CSMD1: variants seen among roughly 807,000 people sequenced by gnomAD.
CSMD1 encodes the protein CUB and sushi domain-containing protein 1.
CSMD1 carries 213 observed loss-of-function variants against 417.5 expected under a neutral mutation model. That is an observed-to-expected ratio of 0.51 (90% confidence interval 0.46 to 0.57). The LOEUF (loss-of-function observed/expected upper bound fraction) is 0.57. Ranked by LOEUF, CSMD1 falls within the 20% of genes least tolerant of loss-of-function variation. The pLI is 0.00. For synonymous variants in CSMD1, 2,862 were observed against 1,736.8 expected, an observed-to-expected ratio of 1.65 and a Z score of -16.11; for missense variants, 6,923 against 4,529.7, an observed-to-expected ratio of 1.53 and a Z score of -15.17.
At chr8:4,894,267 CTT>C (rs1804327684) in intron 1 of CSMD1, among the ~76,000 whole-genome samples, 1 of 151,878 alleles carries the variant, frequency 6.6e-6, no homozygotes, top group Non-Finnish European at 1.5e-5. Context: ...CCTATCAAGT[CTT>C]TTGTTTTGCT....
chr8:3,880,882 C>T (rs1378751793), intron 5 of CSMD1, among the ~76,000 whole-genome samples: 1 of 152,080 alleles, frequency 6.6e-6, no homozygotes, highest in Non-Finnish European at 1.5e-5. Flanking sequence ...TCTAGTCCTC[C>T]TTCGTGTACC....
At chr8:4,315,223 G>T (rs1484666210) in intron 3 of CSMD1, among the ~76,000 whole-genome samples, 1 of 152,164 alleles carries the variant, frequency 6.6e-6, no homozygotes, top group Non-Finnish European at 1.5e-5. Context: ...TCTGCTCAAA[G>T]GAAAGCCCAG....
At chr8:3,719,773 C>T (rs148217833) in intron 6 of CSMD1, among the ~76,000 whole-genome samples, 311 of 152,266 alleles carry the variant, frequency 2.0e-3, no homozygotes, top group African/African-American at 7.2e-3. Flanking sequence ...GTGTGGAAGG[C>T]ATTTCCAGTT....
At chr8:3,674,464 A>C (rs1488053382) in intron 7 of CSMD1, among the ~76,000 whole-genome samples, 1 of 152,164 alleles carries the variant, frequency 6.6e-6, no homozygotes, top group African/African-American at 2.4e-5. Context: ...TTATTATTAT[A>C]AACAAAAAAT....
intron 2 of CSMD1, among the ~76,000 whole-genome samples, chr8:4,537,201 G>C (rs1040947948): frequency 6.6e-6 from 1 of 152,048 alleles, no homozygotes; most frequent in Non-Finnish European, 1.5e-5. Flanking sequence ...CAGCATTAAA[G>C]GGAAATATAA....
At chr8:3,422,863 G>C (rs997345734) in intron 12 of CSMD1, among the ~76,000 whole-genome samples, 2 of 152,168 alleles carry the variant, frequency 1.3e-5, no homozygotes, top group Admixed American at 1.3e-4. Context: ...TTCGAAAACA[G>C]TGCCATGAAT....
chr8:3,546,403 G>T (rs535314201), intron 10 of CSMD1, among the ~76,000 whole-genome samples: 53 of 152,054 alleles, frequency 3.5e-4, no homozygotes, highest in African/African-American at 1.2e-3. Context: ...GGGTTTGGTG[G>T]CATATTCCTG....
In CSMD1 at chr8:4,434,171, C is replaced by G. The variant is rs189974878; in HGVS notation, c.303-14106G>C. ...TGGCCAACATGGTGAAAACCAGTCT[C>G]TACTAAAAATACAGAAATTATCCAG... On this transcript the variant is annotated intron_variant, in intron 2 of 69. Transcript: ENST00000635120. Among the ~76,000 whole-genome samples, 6 of 152,224 alleles carry G rather than the reference C, an allele frequency of 3.9e-5. No individual in the cohort carries two copies. In the East Asian group the frequency reaches 5.8e-4, roughly 15 times the overall value.
intron 1 of CSMD1, among the ~76,000 whole-genome samples, chr8:4,973,873 C>A (rs1196952328): frequency 6.6e-6 from 1 of 152,174 alleles, no homozygotes; most frequent in Non-Finnish European, 1.5e-5. Flanking sequence ...ACAAATCCAA[C>A]ACAATCACAC....
At chr8:3,017,486 T>C (rs1382458412) in intron 52 of CSMD1, among the ~76,000 whole-genome samples, 1 of 152,156 alleles carries the variant, frequency 6.6e-6, no homozygotes, top group Non-Finnish European at 1.5e-5. Flanking sequence ...TAATATATAA[T>C]GCACTAAATA....
intron 40 of CSMD1, among the ~76,000 whole-genome samples, chr8:3,145,561 T>C (rs1818791842): frequency 1.3e-5 from 2 of 152,074 alleles, no homozygotes; most frequent in African/African-American, 4.8e-5. Flanking sequence ...GTGAGCAAAA[T>C]TACCATTTTA....
chr8:3,012,538 A>C (rs2128963911), intron 52 of CSMD1, among the ~76,000 whole-genome samples: 1 of 152,306 alleles, frequency 6.6e-6, no homozygotes, highest in South Asian at 2.1e-4. Flanking sequence ...CCCCAAAAAT[A>C]AACTACAAAA....
chr8:4,915,056 T>C (rs1183741390), intron 1 of CSMD1, among the ~76,000 whole-genome samples: 1 of 152,146 alleles, frequency 6.6e-6, no homozygotes, highest in Non-Finnish European at 1.5e-5. Context: ...GGAATAGAAA[T>C]TGAATTAAAT....
intron 2 of CSMD1, among the ~76,000 whole-genome samples, chr8:4,485,282 G>T (rs549039539): frequency 6.6e-6 from 1 of 152,176 alleles, no homozygotes; most frequent in African/African-American, 2.4e-5. Context: ...ACGCCTGTCA[G>T]CTGAGAACAT....
At chr8:4,200,556 C>T (rs1190653060) in intron 3 of CSMD1, among the ~76,000 whole-genome samples, 1 of 151,394 alleles carries the variant, frequency 6.6e-6, no homozygotes, top group African/African-American at 2.5e-5. Flanking sequence ...CTGTGCTATC[C>T]TTATATAATT....
At chr8:4,955,194 C>T (rs747403909) in intron 1 of CSMD1, among the ~76,000 whole-genome samples, 4 of 152,116 alleles carry the variant, frequency 2.6e-5, no homozygotes, top group Non-Finnish European at 4.4e-5. Flanking sequence ...TTCCCGTTGG[C>T]TTCTACCCAT....
At chr8:4,342,325 T>A (rs966663058) in intron 3 of CSMD1, among the ~76,000 whole-genome samples, 1 of 152,008 alleles carries the variant, frequency 6.6e-6, no homozygotes, top group South Asian at 2.1e-4. Context: ...ATGTAAAACA[T>A]AGGTATTACA....
At chr8:3,902,917 T>A (rs368754799) in intron 5 of CSMD1, among the ~76,000 whole-genome samples, 154 of 152,172 alleles carry the variant, frequency 1.0e-3, no homozygotes, top group African/African-American at 3.5e-3. Context: ...TAACCACTTA[T>A]CTCTTTCTCC....
At chr8:2,996,979 G>C (rs756153241) in intron 54 of CSMD1, among the ~76,000 whole-genome samples, 73 of 152,222 alleles carry the variant, frequency 4.8e-4, no homozygotes, top group Non-Finnish European at 8.4e-4. Flanking sequence ...ACCTGGGGCT[G>C]ACCAATGTCC....
Sources: gnomAD v4.1 joint callset for allele counts (sites outside exome capture counted in the v4.1 genomes callset) on GRCh38, gnomAD v4.1.1 for gene constraint, MANE v1.5 for transcripts, NCBI Gene and HGNC (gene_info 2026-07-23, HGNC 2026-07-21) for gene names.